The following ZFAND3 variants were observed in gnomAD, a reference collection of about 807,000 sequenced individuals.
The protein encoded by ZFAND3 is AN1-type zinc finger protein 3.
ZFAND3 carries 10 observed loss-of-function variants against 29.6 expected under a neutral mutation model. That is an observed-to-expected ratio of 0.34 (90% CI 0.21 to 0.57). The LOEUF (loss-of-function observed/expected upper bound fraction) is 0.57, where lower values mean the gene tolerates loss of function less well. Among genes scored for constraint, ZFAND3 ranks in the 20% least tolerant of loss-of-function variants. The pLI is 0.86. For missense variants in ZFAND3, 230 were observed against 304.5 expected, an observed-to-expected ratio of 0.76 and a Z score of 1.82; for synonymous variants, 128 against 112.6, an observed-to-expected ratio of 1.14 and a Z score of -0.87.
chr6:38,044,237 T>C (rs532322523), intron 2 of ZFAND3, among the ~76,000 whole-genome samples: 17 of 152,342 alleles, frequency 1.1e-4, no homozygotes, highest in African/African-American at 3.4e-4. Context: ...CACTTTTCCT[T>C]ACACCCATAG....
intron 1 of ZFAND3, among the ~76,000 whole-genome samples, chr6:37,821,821 G>A (rs754358366): frequency 2.6e-5 from 4 of 152,172 alleles, no homozygotes; most frequent in Admixed American, 1.3e-4. Context: ...AAATGGAATA[G>A]CCTTTTACCT....
chr6:37,922,152 G>T (rs925544262), intron 1 of ZFAND3, among the ~76,000 whole-genome samples: 1 of 151,890 alleles, frequency 6.6e-6, no homozygotes, highest in Admixed American at 6.6e-5. Context: ...TTACCTGGAA[G>T]GTAATTTTGC....
intron 4 of ZFAND3, among the ~76,000 whole-genome samples, chr6:38,114,656 A>G (rs1203582491): frequency 6.6e-6 from 1 of 152,082 alleles, no homozygotes; most frequent in African/African-American, 2.4e-5. Context: ...TACCAGCATC[A>G]CCATCGGGGT....
At chr6:38,111,011 A>G (rs1384490762) in intron 4 of ZFAND3, among the ~76,000 whole-genome samples, 3 of 152,250 alleles carry the variant, frequency 2.0e-5, no homozygotes, top group African/African-American at 7.2e-5. Context: ...TAATAAAGAC[A>G]AGAATGACAG....
chr6:38,116,819 G>A, intron 5 of ZFAND3, 80 bp downstream of exon 5: 1 of 1,526,940 alleles, frequency 6.5e-7, no homozygotes. Flanking sequence ...AGTGGCTGAA[G>A]TCTTTCGTTC....
intron 1 of ZFAND3, among the ~76,000 whole-genome samples, chr6:37,865,817 C>T (rs888068928): frequency 2.0e-5 from 3 of 151,976 alleles, no homozygotes; most frequent in Non-Finnish European, 2.9e-5. Context: ...GAGTGTGGTC[C>T]GTAGGTAGGT....
At chr6:37,833,237 A>G (rs1763897989) in intron 1 of ZFAND3, 1 of 152,184 alleles carries the variant, frequency 6.6e-6, no homozygotes, top group Non-Finnish European at 1.5e-5. Flanking sequence ...AATATAAATA[A>G]TGAAAAATAC....
chr6:37,927,852 A>G (rs1303853038), intron 1 of ZFAND3, among the ~76,000 whole-genome samples: 1 of 152,368 alleles, frequency 6.6e-6, no homozygotes, highest in Non-Finnish European at 1.5e-5. Flanking sequence ...GGCATGATGA[A>G]TAGAATACAG....
At chr6:37,890,241 A>G (rs951810877) in intron 1 of ZFAND3, among the ~76,000 whole-genome samples, 1 of 152,222 alleles carries the variant, frequency 6.6e-6, no homozygotes, top group Non-Finnish European at 1.5e-5. Context: ...CCCAGTTAAC[A>G]TTTTTTAATT....
chr6:37,976,773 A>AAC (rs1367590641), intron 2 of ZFAND3, among the ~76,000 whole-genome samples: 1 of 152,046 alleles, frequency 6.6e-6, no homozygotes, highest in Non-Finnish European at 1.5e-5. Context: ...GCCACACTTT[A>AAC]ACACCATGAG....
chr6:37,951,697 C>T (rs1277927560), intron 2 of ZFAND3, among the ~76,000 whole-genome samples: 1 of 152,004 alleles, frequency 6.6e-6, no homozygotes, highest in Non-Finnish European at 1.5e-5. Flanking sequence ...TTTCTCTTGC[C>T]TGATTGGTCT....
chr6:38,041,704 TCCTCCTCCTCCTCCTC>T (rs1763777199), intron 2 of ZFAND3, among the ~76,000 whole-genome samples: 5 of 446 alleles, frequency 0.011, no homozygotes, highest in African/African-American at 0.016. Context: ...CTTCTCCTCC[TCCTCCTCCTCCTCCTC>T]CTCCTCCTCC....
At chr6:37,941,882 G>C (rs1455236156) in intron 2 of ZFAND3, among the ~76,000 whole-genome samples, 1 of 152,136 alleles carries the variant, frequency 6.6e-6, no homozygotes, top group African/African-American at 2.4e-5. Flanking sequence ...GGAAAAGCCT[G>C]TCCTTTGCTT....
intron 2 of ZFAND3, among the ~76,000 whole-genome samples, chr6:37,970,136 G>C (rs565498914): frequency 9.2e-5 from 14 of 151,688 alleles, no homozygotes; most frequent in Non-Finnish European, 1.9e-4. Flanking sequence ...ATAAATAAAT[G>C]AATAAATGAA....
intron 3 of ZFAND3, among the ~76,000 whole-genome samples, chr6:38,077,657 C>T (rs1764581084): frequency 6.6e-6 from 1 of 152,120 alleles, no homozygotes; most frequent in Non-Finnish European, 1.5e-5. Context: ...TTAACTGCAG[C>T]AAGTGAGGGC....
intron 2 of ZFAND3, among the ~76,000 whole-genome samples, chr6:37,946,542 A>G (rs914100913): frequency 1.3e-5 from 2 of 152,118 alleles, no homozygotes; most frequent in South Asian, 2.1e-4. Context: ...CCCTTTCTCA[A>G]TAGTTTAAAA....
intron 1 of ZFAND3, among the ~76,000 whole-genome samples, chr6:37,899,337 G>A (rs1303457315): frequency 1.3e-5 from 2 of 152,132 alleles, no homozygotes; most frequent in Non-Finnish European, 2.9e-5. Context: ...TGTGGTGATA[G>A]TGTACCTTCT....
chr6:37,976,123 T>C (rs1344069754), intron 2 of ZFAND3, among the ~76,000 whole-genome samples: 1 of 152,244 alleles, frequency 6.6e-6, no homozygotes, highest in Non-Finnish European at 1.5e-5. Flanking sequence ...TTAATATTGT[T>C]GATGCTACTT....
At chr6:38,046,217 A>G (rs1174455809) in intron 2 of ZFAND3, among the ~76,000 whole-genome samples, 6 of 152,240 alleles carry the variant, frequency 3.9e-5, no homozygotes, top group South Asian at 4.1e-4. Context: ...TTTTTGATCT[A>G]TAAGACTTCC....
Sources: allele counts gnomAD v4.1 joint callset (sites outside exome capture counted in the v4.1 genomes callset), GRCh38; gene constraint gnomAD v4.1.1; transcripts MANE v1.5; gene names NCBI Gene and HGNC (gene_info 2026-07-23, HGNC 2026-07-21).